ANKH: variants seen among roughly 807,000 people sequenced by gnomAD.
ANKH encodes the protein mineralization regulator ANKH.
ANKH carries 15 observed loss-of-function variants against 49.0 expected under a neutral mutation model. The observed-to-expected ratio is 0.31, with a 90% CI of 0.20 to 0.47. ANKH has a LOEUF of 0.47. Ranked by LOEUF, ANKH falls within the 20% of genes least tolerant of loss-of-function variation. The pLI, the probability that ANKH is intolerant of heterozygous loss-of-function variation, is 1.00. For synonymous variants in ANKH, 273 were observed against 260.0 expected, an observed-to-expected ratio of 1.05 and a Z score of -0.48; for missense variants, 429 against 652.0, an observed-to-expected ratio of 0.66 and a Z score of 3.72.
intron 1 of ANKH, among the ~76,000 whole-genome samples, chr5:14,830,932 G>T (rs1300632469): frequency 6.6e-6 from 1 of 152,166 alleles, no homozygotes; most frequent in Non-Finnish European, 1.5e-5. Context: ...GGACAAACTG[G>T]GTCAGTTGGT....
At chr5:14,861,085 A>G (rs1298479852) in intron 1 of ANKH, among the ~76,000 whole-genome samples, 1 of 152,040 alleles carries the variant, frequency 6.6e-6, no homozygotes, top group Non-Finnish European at 1.5e-5. Flanking sequence ...GCCTACATAT[A>G]TTTTTTAAGT....
chr5:14,854,617 G>A (rs1284255589), intron 1 of ANKH, among the ~76,000 whole-genome samples: 3 of 152,196 alleles, frequency 2.0e-5, no homozygotes, highest in Non-Finnish European at 4.4e-5. Flanking sequence ...TGGATCACTT[G>A]AGCCCAGGAG....
At chr5:14,780,224 C>T (rs1203937161) in intron 1 of ANKH, among the ~76,000 whole-genome samples, 1 of 152,094 alleles carries the variant, frequency 6.6e-6, no homozygotes, top group Non-Finnish European at 1.5e-5. Flanking sequence ...CCTTGTTATA[C>T]ACATTCATGA....
In ANKH at chr5:14,737,412, C is replaced by A. The variant is rs1320157335; in HGVS notation, c.1011+4415G>T. Among the ~76,000 whole-genome samples, 1 of 152,334 alleles carries A rather than the reference C, an allele frequency of 6.6e-6. No homozygotes were observed. Among genetic ancestry groups the A allele is most frequent in the African/African-American group, 2.4e-5 (1 of 41,580 alleles). ...GTAAGAGGAAGGACTGTGGTGCCTG[C>A]TCCTCTCTTGTGAGCTCACTGCTGC... On this transcript the variant is annotated intron_variant, in intron 8 of 11. Transcript: ENST00000284268. The surrounding 1 kb of genome is among the most constrained non-coding windows in gnomAD (Gnocchi z 5.0).
At chr5:14,748,607 T>A (rs1738613616) in intron 6 of ANKH, among the ~76,000 whole-genome samples, 2 of 152,230 alleles carry the variant, frequency 1.3e-5, no homozygotes, top group Admixed American at 1.3e-4. Context: ...GTTTGTTCAA[T>A]CAAGGAGCTC....
Position 14,758,500 on chromosome 5 carries a change from A to T in ANKH, c.412T>A (p.Phe138Ile), listed in dbSNP as rs1460832219. The T allele has an allele frequency of 6.2e-7, 1 of 1,614,108 alleles. No homozygotes were observed. The highest frequency in any genetic ancestry group is 2.2e-5 in the East Asian group (1 of 44,886). The change falls in exon 3 of 12, where the codon TTT becomes ATT. Residue 138 changes from phenylalanine (F) to isoleucine (I), a missense_variant. Coordinates refer to ENST00000284268, the MANE Select transcript of ANKH (RefSeq NM_054027.6). ...TRRAFLYLAAFPFMDAMAWTH... is the reference protein window; with the variant it reads ...TRRAFLYLAAIPFMDAMAWTH... Reference sequence around the variant, plus strand: ...CTCACCATTGCGTCCATGAAAGGAAAGGCGGCGAGGTACAGGAAGGCCCTT... The same window carrying T: ...CTCACCATTGCGTCCATGAAAGGAATGGCGGCGAGGTACAGGAAGGCCCTT...
intron 1 of ANKH, among the ~76,000 whole-genome samples, chr5:14,792,175 G>C (rs1420057988): frequency 6.6e-6 from 1 of 152,168 alleles, no homozygotes; most frequent in African/African-American, 2.4e-5. Context: ...AAGCGTGCAT[G>C]GAGTGGAGAG....
chr5:14,859,160 C>T (rs1394880531), intron 1 of ANKH, among the ~76,000 whole-genome samples: 1 of 152,166 alleles, frequency 6.6e-6, no homozygotes, highest in Non-Finnish European at 1.5e-5. Flanking sequence ...CATCAAACAA[C>T]AGCTCCCTAT....
intron 1 of ANKH, among the ~76,000 whole-genome samples, chr5:14,839,474 G>C (rs889695959): frequency 6.7e-6 from 1 of 149,264 alleles, no homozygotes; most frequent in Non-Finnish European, 1.5e-5. Flanking sequence ...GCTGAGGCTA[G>C]ATGCTTCTAG....
intron 8 of ANKH, among the ~76,000 whole-genome samples, chr5:14,723,792 T>C (rs997066481): frequency 1.4e-4 from 22 of 152,236 alleles, no homozygotes; most frequent in African/African-American, 4.8e-4. Flanking sequence ...CCAAGACACA[T>C]TCATTTCTAG....
chr5:14,723,740 C>A (rs79252509), intron 8 of ANKH, among the ~76,000 whole-genome samples: 3 of 152,144 alleles, frequency 2.0e-5, no homozygotes, highest in African/African-American at 7.2e-5. Flanking sequence ...AGCCATTGAC[C>A]GTGAAGTGTC....
At chr5:14,739,679 G>C (rs1466893057) in intron 8 of ANKH, among the ~76,000 whole-genome samples, 1 of 152,246 alleles carries the variant, frequency 6.6e-6, no homozygotes, top group Non-Finnish European at 1.5e-5. Flanking sequence ...GTGTGGTTCA[G>C]AGCACAGGGC....
At chr5:14,717,370 C>T (rs1737509480) in intron 8 of ANKH, among the ~76,000 whole-genome samples, 1 of 152,192 alleles carries the variant, frequency 6.6e-6, no homozygotes, top group Admixed American at 6.5e-5. Flanking sequence ...AAAGATGAGA[C>T]AGCAACAGAA....
intron 1 of ANKH, among the ~76,000 whole-genome samples, chr5:14,773,598 A>C (rs1239289640): frequency 6.6e-6 from 1 of 152,084 alleles, no homozygotes; most frequent in Non-Finnish European, 1.5e-5. Context: ...AGCCATGCAG[A>C]CTTGAGTTGG....
chr5:14,837,667 C>T (rs1741694374), intron 1 of ANKH, among the ~76,000 whole-genome samples: 1 of 152,230 alleles, frequency 6.6e-6, no homozygotes. Context: ...CACTTTTACA[C>T]TGTTGGTGGG....
At chr5:14,715,383 G>A (rs1226182411) in intron 9 of ANKH, among the ~76,000 whole-genome samples, 1 of 152,120 alleles carries the variant, frequency 6.6e-6, no homozygotes, top group African/African-American at 2.4e-5. Flanking sequence ...CACCTGCCTC[G>A]GACTACCAAA....
intron 8 of ANKH, among the ~76,000 whole-genome samples, chr5:14,719,349 A>G (rs1737591215): frequency 6.6e-6 from 1 of 152,228 alleles, no homozygotes; most frequent in African/African-American, 2.4e-5. Context: ...TCAAGAAGCT[A>G]TTGGTGACGG....
chr5:14,772,033 A>T (rs1325876919), intron 1 of ANKH, among the ~76,000 whole-genome samples: 1 of 152,136 alleles, frequency 6.6e-6, no homozygotes, highest in Non-Finnish European at 1.5e-5. Flanking sequence ...AGAGTTACTA[A>T]AATATGGAGG....
intron 1 of ANKH, among the ~76,000 whole-genome samples, chr5:14,818,084 G>GAA (rs34211280): frequency 3.8e-4 from 50 of 130,662 alleles, no homozygotes; most frequent in Admixed American, 4.3e-4. Flanking sequence ...AAAAAAAAAG[G>GAA]AAAAAAAAAA....
Sources: allele counts gnomAD v4.1 joint callset (sites outside exome capture counted in the v4.1 genomes callset), GRCh38; gene constraint gnomAD v4.1.1; non-coding constraint Gnocchi (gnomAD v3.1); transcripts MANE v1.5; gene names NCBI Gene and HGNC (gene_info 2026-07-23, HGNC 2026-07-21).